The following GPC6 variants were observed in gnomAD, a reference collection of about 807,000 sequenced individuals.
GPC6 encodes glypican 6.
GPC6 carries 14 observed loss-of-function variants against 55.2 expected under a neutral mutation model. That is an observed-to-expected ratio of 0.25 (90% CI 0.17 to 0.40). The LOEUF is 0.40. Among genes scored for constraint, GPC6 ranks in the 10% least tolerant of loss-of-function variants. The probability of loss-of-function intolerance (pLI) is 1.00; values close to 1 mark genes in which losing one functional copy is unlikely to be tolerated. For missense variants in GPC6, 641 were observed against 708.5 expected, an observed-to-expected ratio of 0.90 and a Z score of 1.08; for synonymous variants, 278 against 259.6, an observed-to-expected ratio of 1.07 and a Z score of -0.68.
chr13:93,689,893 A>G (rs1034426949), intron 2 of GPC6, among the ~76,000 whole-genome samples: 10 of 152,112 alleles, frequency 6.6e-5, no homozygotes, highest in African/African-American at 2.4e-4. Context: ...AGTGTCTTAG[A>G]TTAGTCATTC....
intron 1 of GPC6, among the ~76,000 whole-genome samples, chr13:93,444,780 T>G (rs1877940392): frequency 1.3e-5 from 2 of 152,222 alleles, no homozygotes. Context: ...AACATAATTA[T>G]TTCCTTTTAA....
chr13:93,366,113 G>A (rs904937235), intron 1 of GPC6, among the ~76,000 whole-genome samples: 4 of 151,958 alleles, frequency 2.6e-5, no homozygotes, highest in Non-Finnish European at 5.9e-5. Context: ...ACAATTTGTG[G>A]TCTACTGAAT....
intron 6 of GPC6, among the ~76,000 whole-genome samples, chr13:94,349,520 A>G (rs1394484403): frequency 6.6e-6 from 1 of 152,184 alleles, no homozygotes; most frequent in Non-Finnish European, 1.5e-5. Flanking sequence ...CCTTCATAGC[A>G]TCAAGTTCAA....
At chr13:93,846,113 A>G (rs921160929) in intron 3 of GPC6, among the ~76,000 whole-genome samples, 2 of 152,158 alleles carry the variant, frequency 1.3e-5, no homozygotes, top group Non-Finnish European at 2.9e-5. Flanking sequence ...TCCTCGTAAT[A>G]TATACAACTA....
At chr13:93,895,439 G>T (rs1202266293) in intron 3 of GPC6, among the ~76,000 whole-genome samples, 1 of 151,462 alleles carries the variant, frequency 6.6e-6, no homozygotes, top group African/African-American at 2.4e-5. Context: ...GGCTATCAAT[G>T]TGGTTAGACT....
intron 7 of GPC6, among the ~76,000 whole-genome samples, chr13:94,394,376 C>A (rs1202552220): frequency 1.3e-5 from 2 of 152,218 alleles, no homozygotes; most frequent in Non-Finnish European, 2.9e-5. Flanking sequence ...AACTTGCATC[C>A]AGCCTTGGAA....
At chr13:94,034,063 C>G (rs1383017715) in intron 4 of GPC6, among the ~76,000 whole-genome samples, 1 of 152,068 alleles carries the variant, frequency 6.6e-6, no homozygotes, top group Non-Finnish European at 1.5e-5. Flanking sequence ...TAACACCATC[C>G]AACCCTCTGT....
chr13:93,839,318 G>A (rs537845417), intron 3 of GPC6, among the ~76,000 whole-genome samples: 27 of 152,076 alleles, frequency 1.8e-4, no homozygotes, highest in African/African-American at 6.0e-4. Flanking sequence ...CACCAAAATT[G>A]AAAGTTAAAA....
rs144924111 is a variant in GPC6, at chr13:94,077,901, A to G, written c.877+50007A>G. Among the ~76,000 whole-genome samples the G allele has an allele frequency of 2.4e-3, 369 of 151,966 alleles. 3 individuals are homozygous for G. Among genetic ancestry groups the G allele is most frequent in the Non-Finnish European group, 3.2e-4 (22 of 67,792 alleles). ...ATTTCACTGAGGATTTTTATCATCT[A>G]TGTTTATTAGGGACCCAAAAGACAT... On this transcript the variant is annotated intron_variant, in intron 4 of 8. Transcript: ENST00000377047.
chr13:94,259,908 AC>A (rs1891608998), intron 4 of GPC6, among the ~76,000 whole-genome samples: 1 of 152,160 alleles, frequency 6.6e-6, no homozygotes, highest in Non-Finnish European at 1.5e-5. Flanking sequence ...ACACATACAC[AC>A]ACACACGCAC....
chr13:93,915,660 A>G (rs548004331), intron 3 of GPC6, among the ~76,000 whole-genome samples: 1 of 152,312 alleles, frequency 6.6e-6, no homozygotes, highest in Non-Finnish European at 1.5e-5. Flanking sequence ...AATGAATATC[A>G]TGAACCCTAT....
rs552084325 is a variant in GPC6 at position 94,222,515 on chromosome 13, A to T, written c.878-63834A>T. On this transcript the variant is annotated intron_variant, in intron 4 of 8. Coordinates refer to ENST00000377047, the MANE Select transcript of GPC6 (RefSeq NM_005708.5). Reference sequence around the variant, plus strand: ...CTGACAGCTCTAGTGGGGTATTCTAATTACTCTTCCTTACCTGCATTGATG... The same window carrying T: ...CTGACAGCTCTAGTGGGGTATTCTATTTACTCTTCCTTACCTGCATTGATG... 9.9e-5 allele frequency among the ~76,000 whole-genome samples: 15 copies of T among 152,168 alleles called. No homozygotes were observed. In the South Asian group the frequency reaches 2.9e-3, roughly 29 times the overall value.
At chr13:94,072,672 T>C (rs1340477970) in intron 4 of GPC6, among the ~76,000 whole-genome samples, 1 of 152,220 alleles carries the variant, frequency 6.6e-6, no homozygotes, top group Admixed American at 6.5e-5. Flanking sequence ...TATAGACTTA[T>C]TCTCTACCTT....
At chr13:93,376,158 G>A (rs1257945635) in intron 1 of GPC6, among the ~76,000 whole-genome samples, 6 of 151,536 alleles carry the variant, frequency 4.0e-5, no homozygotes, top group Non-Finnish European at 7.4e-5. Context: ...CTACACATGA[G>A]TGGAAGTAGC....
chr13:93,225,164 AC>A (rs1875727506), upstream of GPC6, among the ~76,000 whole-genome samples: 1 of 152,200 alleles, frequency 6.6e-6, no homozygotes, highest in African/African-American at 2.4e-5. Flanking sequence ...AGGTGGTAGG[AC>A]AGGAAGTGTG....
intron 3 of GPC6, among the ~76,000 whole-genome samples, chr13:94,019,265 T>TA (rs1262291290): frequency 6.6e-6 from 1 of 152,200 alleles, no homozygotes; most frequent in African/African-American, 2.4e-5. Flanking sequence ...TCATGTTTTT[T>TA]ATTTCTTCAT....
chr13:94,266,415 G>T (rs1333559665), intron 4 of GPC6, among the ~76,000 whole-genome samples: 2 of 152,076 alleles, frequency 1.3e-5, no homozygotes, highest in Admixed American at 6.5e-5. Flanking sequence ...TGATCCGCCC[G>T]CCTTGGCCTC....
chr13:93,776,210 G>T (rs1885461679), intron 2 of GPC6, among the ~76,000 whole-genome samples: 1 of 152,026 alleles, frequency 6.6e-6, no homozygotes, highest in South Asian at 2.1e-4. Flanking sequence ...ATAGGGAGTA[G>T]AATTTCATTA....
At chr13:93,472,300 C>T (rs1879147883) in intron 1 of GPC6, among the ~76,000 whole-genome samples, 1 of 152,312 alleles carries the variant, frequency 6.6e-6, no homozygotes, top group South Asian at 2.1e-4. Context: ...GGGCCCATTC[C>T]ATCCTCTTGG....
Sources: gnomAD v4.1 joint callset for allele counts (sites outside exome capture counted in the v4.1 genomes callset) on GRCh38, gnomAD v4.1.1 for gene constraint, MANE v1.5 for transcripts, NCBI Gene and HGNC (gene_info 2026-07-23, HGNC 2026-07-21) for gene names.